BLNK: variants seen among roughly 807,000 people sequenced by gnomAD.
The protein encoded by BLNK is B-cell linker protein.
Under a neutral mutation model 73.5 loss-of-function variants are expected in BLNK, and 29 were observed. That is an observed-to-expected ratio of 0.39 (90% CI 0.29 to 0.54). BLNK has a LOEUF of 0.54. Ranked by LOEUF, BLNK falls within the 20% of genes least tolerant of loss-of-function variation. BLNK has a pLI of 0.61. For synonymous variants in BLNK, 176 were observed against 200.8 expected (o/e 0.88, Z 1.04); for missense variants, 460 against 562.8 (o/e 0.82, Z 1.85).
chr10:96,228,930 G>A (rs1375297771), intron 4 of BLNK, among the ~76,000 whole-genome samples: 4 of 151,286 alleles, frequency 2.6e-5, no homozygotes, highest in African/African-American at 9.7e-5. Context: ...TTTCCTGTTG[G>A]TCTTTAAAAA....
chr10:96,239,110 T>G lies in BLNK; in HGVS notation c.163+3625A>C, dbSNP rs1376219916. The stretch of plus-strand genomic sequence containing the variant: ...CACACTTCTGCATTCCAGGAGAGAT[T>G]AAATGTTCTGACATCAAGACTATTT... On this transcript the variant is annotated intron_variant, in intron 3 of 16. Coordinates refer to ENST00000224337, the MANE Select transcript of BLNK (RefSeq NM_013314.4). The G allele has an allele frequency of 6.8e-5, 27 of 398,614 alleles. No individual in the cohort carries two copies. In the East Asian group the frequency reaches 9.6e-4, roughly 14 times the overall value. 24.7% of individuals were successfully genotyped at this position (398,614 alleles called of 1,614,324 possible).
intron 1 of BLNK, among the ~76,000 whole-genome samples, chr10:96,262,419 T>A (rs1314961073): frequency 6.6e-6 from 1 of 152,206 alleles, no homozygotes; most frequent in African/African-American, 2.4e-5. Context: ...CTTTATGTTA[T>A]ATATTATTGA....
intron 5 of BLNK, among the ~76,000 whole-genome samples, chr10:96,224,989 C>T (rs113304701): frequency 1.3e-4 from 20 of 152,162 alleles, no homozygotes; most frequent in African/African-American, 4.6e-4. Flanking sequence ...TGAGCCACCA[C>T]GCCTGGCCAA....
intron 8 of BLNK, among the ~76,000 whole-genome samples, chr10:96,211,676 G>A (rs1343772230): frequency 2.6e-5 from 4 of 152,140 alleles, no homozygotes; most frequent in African/African-American, 4.8e-5. Flanking sequence ...TGTCTTCCAC[G>A]GTACCTGAAC....
intron 13 of BLNK, 43 bp downstream of exon 13, chr10:96,204,014 C>T (rs2083727907): frequency 6.4e-7 from 1 of 1,571,594 alleles, no homozygotes; most frequent in East Asian, 2.2e-5. Context: ...AGGATCCAGC[C>T]TCGACCACTC....
In BLNK at chr10:96,230,221, G is replaced by C. The variant is rs587602400; in HGVS notation, c.204+573C>G. Among the ~76,000 whole-genome samples the C allele has an allele frequency of 2.4e-4, 36 of 152,274 alleles. No individual in the cohort carries two copies. The South Asian group carries it at 2.5e-3, about 11-fold the overall frequency. On this transcript the variant is annotated intron_variant, in intron 4 of 16. Coordinates refer to ENST00000224337, the MANE Select transcript of BLNK (RefSeq NM_013314.4). ...TCATCATGGCCAGGTCCCTCTCTCT[G>C]TGGCTCCGGAGCTCTGCTAATGTTC...
intron 4 of BLNK, among the ~76,000 whole-genome samples, chr10:96,227,954 AG>A (rs35255610): frequency 0.13 from 20,276 of 152,164 alleles, 1,916 homozygotes; most frequent in East Asian, 0.44. Context: ...AAGAGAAAAT[AG>A]GTTTAATACG....
intron 3 of BLNK, among the ~76,000 whole-genome samples, chr10:96,241,735 T>C (rs1554906275): frequency 4.2e-5 from 1 of 24,076 alleles, no homozygotes; most frequent in Non-Finnish European, 1.5e-4. Flanking sequence ...CTTTTCTTTC[T>C]TTTTTTTTTT....
At chr10:96,231,129 T>C (rs1329734155) in intron 3 of BLNK, among the ~76,000 whole-genome samples, 2 of 152,220 alleles carry the variant, frequency 1.3e-5, no homozygotes, top group Non-Finnish European at 2.9e-5. Context: ...CTACAATTCA[T>C]ACTATGTGGC....
chr10:96,259,669 CCTT>C (rs1253523232), intron 1 of BLNK, among the ~76,000 whole-genome samples: 1 of 11,496 alleles, frequency 8.7e-5, no homozygotes, highest in Non-Finnish European at 1.9e-4. Context: ...TCACACCCTA[CCTT>C]TTTTTTTTTT....
intron 15 of BLNK, 81 bp downstream of exon 15, chr10:96,199,994 C>G: frequency 9.5e-7 from 1 of 1,055,292 alleles, no homozygotes; most frequent in East Asian, 3.5e-5. Flanking sequence ...AGCCACTGCA[C>G]TCCAGTGAAA....
At chr10:96,202,838 T>C (rs587720411) in intron 13 of BLNK, among the ~76,000 whole-genome samples, 1 of 152,332 alleles carries the variant, frequency 6.6e-6, no homozygotes, top group Non-Finnish European at 1.5e-5. Context: ...CTAGGCCTAT[T>C]CTGTTTTCAA....
intron 3 of BLNK, among the ~76,000 whole-genome samples, chr10:96,239,985 C>A (rs1842832477): frequency 6.6e-6 from 1 of 152,160 alleles, no homozygotes; most frequent in African/African-American, 2.4e-5. Flanking sequence ...CTAAAAGTGG[C>A]AAATATTCCT....
intron 5 of BLNK, among the ~76,000 whole-genome samples, chr10:96,225,199 T>C (rs2134024141): frequency 6.6e-6 from 1 of 152,298 alleles, no homozygotes; most frequent in East Asian, 1.9e-4. Flanking sequence ...TTCAGACTGA[T>C]GTGTTTTAGG....
intron 3 of BLNK, among the ~76,000 whole-genome samples, chr10:96,237,552 C>T (rs782316608): frequency 5.6e-4 from 85 of 152,248 alleles, no homozygotes; most frequent in South Asian, 2.9e-3. Context: ...TGTGGGGTAA[C>T]CAATGGGGCA....
chr10:96,196,819 T>G (rs915483450), intron 16 of BLNK, 89 bp downstream of exon 16: 1 of 1,310,956 alleles, frequency 7.6e-7, no homozygotes, highest in Non-Finnish European at 1.1e-6. Flanking sequence ...TTGTATCCTT[T>G]CTCCTCATCT....
chr10:96,249,137 C>T (rs1342238311), intron 1 of BLNK, among the ~76,000 whole-genome samples: 6 of 152,218 alleles, frequency 3.9e-5, no homozygotes, highest in Non-Finnish European at 8.8e-5. Context: ...AGATAATGAA[C>T]TGTACACAGC....
Position 96,247,064 on chromosome 10 carries a change from A to G in BLNK, c.48-15T>C. 2 of 1,570,832 alleles carry G rather than the reference A, an allele frequency of 1.3e-6. No individual in the cohort carries two copies. The highest frequency in any genetic ancestry group is 8.7e-7 in the Non-Finnish European group (1 of 1,148,638). On this transcript the variant is annotated splice_polypyrimidine_tract_variant and intron_variant, in intron 1 of 16. Transcript: ENST00000224337. The stretch of plus-strand genomic sequence containing the variant: ...TTTGAAGCTGCCTGTAAAAAACAAA[A>G]TTAAACATAAGATATTAATAACCAG...
intron 1 of BLNK, among the ~76,000 whole-genome samples, chr10:96,264,813 A>T (rs1223419841): frequency 1.3e-5 from 2 of 152,168 alleles, no homozygotes; most frequent in Non-Finnish European, 2.9e-5. Context: ...CAGAATTTTC[A>T]TATATAACCA....
Sources: gnomAD v4.1 joint callset for allele counts (sites outside exome capture counted in the v4.1 genomes callset) on GRCh38, gnomAD v4.1.1 for gene constraint, MANE v1.5 for transcripts, NCBI Gene and HGNC (gene_info 2026-07-23, HGNC 2026-07-21) for gene names.